Variants in ACOXL observed in about 807,000 individuals in gnomAD.
ACOXL encodes acyl-coenzyme A oxidase-like protein.
A neutral mutation model predicts 71.9 loss-of-function variants in ACOXL; 70 were observed. The observed-to-expected ratio is 0.97, with a 90% confidence interval of 0.80 to 1.19. The LOEUF is 1.19. Among genes scored for constraint, ACOXL ranks in the 50% most tolerant of loss-of-function variants. The pLI is 0.00. For synonymous variants in ACOXL, 253 were observed against 281.6 expected, an observed-to-expected ratio of 0.90 and a Z score of 1.02; for missense variants, 703 against 736.3, an observed-to-expected ratio of 0.95 and a Z score of 0.52.
In ACOXL at chr2:110,987,161, A is replaced by C. The variant is rs116596490; in HGVS notation, c.1113A>C (p.Pro371=). 0.023 allele frequency: 36,772 copies of C among 1,578,844 alleles called. 482 individuals carry two copies. Among genetic ancestry groups the C allele is most frequent in the Non-Finnish European group, 0.028 (32,144 of 1,159,338 alleles). ...ACACCAAACAGTATGAAGAAAAACCACTCTTTGGCCTGCTCCAAAACTGGG... is the reference window on the plus strand; with the variant it reads ...ACACCAAACAGTATGAAGAAAAACCCCTCTTTGGCCTGCTCCAAAACTGGG... The part of the protein sequence containing the change: ...AQYTKQYEEK[P]LFGLLQNWAE... The change falls in exon 13 of 18, where the codon CCA becomes CCC. Residue 371 remains proline, a synonymous_variant. Transcript: ENST00000439055.
chr2:110,992,345 G>A (rs569829753), intron 13 of ACOXL, among the ~76,000 whole-genome samples: 6 of 152,282 alleles, frequency 3.9e-5, no homozygotes, highest in Admixed American at 2.6e-4. Context: ...TGTCATCAAA[G>A]TGTTTTCAGC....
chr2:111,035,084 T>C (rs1254121012), intron 15 of ACOXL, among the ~76,000 whole-genome samples: 2 of 152,124 alleles, frequency 1.3e-5, no homozygotes, highest in Admixed American at 6.5e-5. Flanking sequence ...GCCAGGGTGG[T>C]CTCAATCTCC....
At chr2:111,007,909 C>G (rs1441935624) in intron 14 of ACOXL, among the ~76,000 whole-genome samples, 2 of 152,218 alleles carry the variant, frequency 1.3e-5, no homozygotes, top group African/African-American at 4.8e-5. Context: ...GCCCTCTTTC[C>G]TATTTCAAAC....
At chr2:110,788,245 G>A (rs773148560) in intron 3 of ACOXL, among the ~76,000 whole-genome samples, 3 of 152,144 alleles carry the variant, frequency 2.0e-5, no homozygotes, top group East Asian at 1.9e-4. Context: ...CCACATTTCC[G>A]TCAACAGAGG....
At chr2:110,810,670 C>T (rs1478291067) in intron 9 of ACOXL, among the ~76,000 whole-genome samples, 1 of 152,170 alleles carries the variant, frequency 6.6e-6, no homozygotes, top group Non-Finnish European at 1.5e-5. Context: ...ATCATTTATC[C>T]ATCCAATAAT....
At chr2:110,813,143 C>A (rs1474286019) in intron 9 of ACOXL, among the ~76,000 whole-genome samples, 2 of 152,178 alleles carry the variant, frequency 1.3e-5, no homozygotes, top group African/African-American at 4.8e-5. Flanking sequence ...AGCCAGAAAG[C>A]TCTTGGTAGG....
intron 17 of ACOXL, among the ~76,000 whole-genome samples, chr2:111,104,095 A>G (rs576700306): frequency 6.6e-6 from 1 of 150,614 alleles, no homozygotes; most frequent in South Asian, 2.1e-4. Flanking sequence ...AACCTTTGGA[A>G]TTGGCTTTTT....
intron 17 of ACOXL, chr2:111,098,870 T>G (rs1035384408): frequency 2.0e-5 from 3 of 152,212 alleles, no homozygotes; most frequent in African/African-American, 7.2e-5. Flanking sequence ...GACGCTCCAG[T>G]CTGATGGAAA....
intron 12 of ACOXL, among the ~76,000 whole-genome samples, chr2:110,969,784 C>T (rs1310958122): frequency 1.3e-5 from 2 of 150,264 alleles, no homozygotes; most frequent in African/African-American, 4.9e-5. Flanking sequence ...GCATTCCAGC[C>T]TGGGCGACAG....
At chr2:110,912,402 A>C (rs2059681233) in intron 11 of ACOXL, among the ~76,000 whole-genome samples, 1 of 152,154 alleles carries the variant, frequency 6.6e-6, no homozygotes, top group South Asian at 2.1e-4. Flanking sequence ...ACAGTGTGGT[A>C]CTGGCATTGG....
intron 16 of ACOXL, among the ~76,000 whole-genome samples, chr2:111,071,124 T>A (rs2067320191): frequency 6.6e-6 from 1 of 152,106 alleles, no homozygotes; most frequent in Non-Finnish European, 1.5e-5. Context: ...AGAAGCATAG[T>A]TTTTAAGACA....
intron 2 of ACOXL, among the ~76,000 whole-genome samples, chr2:110,777,504 T>A (rs550998259): frequency 1.3e-5 from 2 of 152,338 alleles, no homozygotes; most frequent in South Asian, 4.1e-4. Context: ...TTCAAGCCAG[T>A]TGGCCCAACT....
intron 11 of ACOXL, among the ~76,000 whole-genome samples, chr2:110,920,753 G>T (rs1178146759): frequency 6.6e-6 from 1 of 152,002 alleles, no homozygotes; most frequent in East Asian, 1.9e-4. Flanking sequence ...TCTTGGGATA[G>T]TATTGACTTA....
chr2:110,797,719 G>T (rs574307044), intron 5 of ACOXL, among the ~76,000 whole-genome samples: 2 of 152,146 alleles, frequency 1.3e-5, no homozygotes, highest in African/African-American at 4.8e-5. Flanking sequence ...TCACAGATGC[G>T]GACCCTGGGA....
chr2:111,052,131 A>T (rs2066316958), intron 16 of ACOXL, among the ~76,000 whole-genome samples: 1 of 152,234 alleles, frequency 6.6e-6, no homozygotes, highest in South Asian at 2.1e-4. Context: ...AAGCCAGAAC[A>T]TTCATCTGAC....
At chr2:110,782,585 A>T (rs1683470395) in intron 2 of ACOXL, among the ~76,000 whole-genome samples, 1 of 152,170 alleles carries the variant, frequency 6.6e-6, no homozygotes, top group Non-Finnish European at 1.5e-5. Flanking sequence ...GAGACAAGGG[A>T]AGGGAAGTAA....
chr2:111,052,484 C>T (rs2066340300), intron 16 of ACOXL, among the ~76,000 whole-genome samples: 1 of 152,094 alleles, frequency 6.6e-6, no homozygotes, highest in South Asian at 2.1e-4. Flanking sequence ...GAGGTGGAAG[C>T]TGTTACTGGC....
intron 14 of ACOXL, among the ~76,000 whole-genome samples, chr2:111,022,205 A>G (rs2064795163): frequency 6.6e-6 from 1 of 151,926 alleles, no homozygotes; most frequent in Non-Finnish European, 1.5e-5. Flanking sequence ...TCCACTAAAC[A>G]AATACAAAAA....
chr2:110,875,461 G>T (rs949268085), intron 10 of ACOXL, among the ~76,000 whole-genome samples: 1 of 152,220 alleles, frequency 6.6e-6, no homozygotes, highest in African/African-American at 2.4e-5. Context: ...ATGGGGAGGT[G>T]TGGAGCGTGG....
Sources: allele counts gnomAD v4.1 joint callset (sites outside exome capture counted in the v4.1 genomes callset), GRCh38; gene constraint gnomAD v4.1.1; transcripts MANE v1.5; gene names NCBI Gene and HGNC (gene_info 2026-07-23, HGNC 2026-07-21).